Variants in MINDY4 observed in about 807,000 individuals in gnomAD.
MINDY4 encodes MINDY lysine 48 deubiquitinase 4, also known as probable ubiquitin carboxyl-terminal hydrolase MINDY-4.
MINDY4 carries 68 observed loss-of-function variants against 87.0 expected under a neutral mutation model. That is an observed-to-expected ratio of 0.78 (90% confidence interval 0.64 to 0.96). The LOEUF is 0.96. Ranked by LOEUF, MINDY4 falls within the 40% of genes least tolerant of loss-of-function variation. The pLI is 0.00. For missense variants in MINDY4, 919 were observed against 928.2 expected (o/e 0.99, Z 0.13); for synonymous variants, 379 against 363.2 (o/e 1.04, Z -0.50).
At chr7:30,843,554 C>T (rs929972966) in intron 9 of MINDY4, among the ~76,000 whole-genome samples, 6 of 141,550 alleles carry the variant, frequency 4.2e-5, no homozygotes, top group Non-Finnish European at 7.6e-5. Context: ...CAGGAAGAGC[C>T]GACTCTGCTC....
intron 5 of MINDY4, among the ~76,000 whole-genome samples, chr7:30,828,421 G>C (rs1377713281): frequency 6.6e-6 from 1 of 152,086 alleles, no homozygotes; most frequent in Non-Finnish European, 1.5e-5. Flanking sequence ...AACCTACAGA[G>C]CTGACCATCC....
In MINDY4 at chr7:30,771,561, CG is replaced by C; in HGVS notation, c.63+7del. The C allele has an allele frequency of 3.1e-6, 5 of 1,591,446 alleles. No individual in the cohort carries two copies. Among genetic ancestry groups the C allele is most frequent in the Non-Finnish European group, 4.3e-6 (5 of 1,170,102 alleles). ...AGGGAGTTCCTCAGCAGAAAGGTAA[CG>C]GCTCGCCCCCTCCAAAGCCCAGGAA... is the stretch of plus-strand genomic sequence containing the variant. On this transcript the variant is annotated splice_donor_region_variant and intron_variant, in intron 1 of 17. Transcript: ENST00000265299.
intron 1 of MINDY4, among the ~76,000 whole-genome samples, chr7:30,776,597 A>G (rs1786824571): frequency 1.3e-5 from 2 of 152,206 alleles, no homozygotes; most frequent in African/African-American, 4.8e-5. Context: ...GCCTCTAGCA[A>G]CTGGACTTAC....
In MINDY4 at chr7:30,791,474, A is replaced by T. The variant is rs749146324; in HGVS notation, c.973A>T (p.Met325Leu). ...GGACGGCAGCACAGACACGGACAGGATGCCCTTGAAGCTCTACTTGCCTGG... is the reference window on the plus strand; with the variant it reads ...GGACGGCAGCACAGACACGGACAGGTTGCCCTTGAAGCTCTACTTGCCTGG... ...AVDGSTDTDR[M>L]PLKLYLPGGN... Residue 325 changes from methionine to leucine, a missense_variant, in exon 5 of 18, where the codon ATG becomes TTG. Physicochemically the swap from Met to Leu is conservative, Grantham distance 15. Coordinates refer to ENST00000265299, the MANE Select transcript of MINDY4 (RefSeq NM_032222.3). The T allele has an allele frequency of 1.2e-6, 2 of 1,614,048 alleles. No individual in the cohort carries two copies. The highest frequency in any genetic ancestry group is 2.2e-5 in the South Asian group (2 of 91,078).
chr7:30,888,440 G>A (rs761688599), intron 17 of MINDY4, among the ~76,000 whole-genome samples: 2 of 152,162 alleles, frequency 1.3e-5, no homozygotes, highest in Non-Finnish European at 2.9e-5. Flanking sequence ...TGAGAGACCC[G>A]GCTATAAACT....
Position 30,783,575 on chromosome 7 carries a change from C to T in MINDY4, c.419+1363C>T, listed in dbSNP as rs186994174. Among the ~76,000 whole-genome samples, 139 of 152,250 alleles carry T rather than the reference C, an allele frequency of 9.1e-4. 1 individual carries two copies. The highest frequency in any genetic ancestry group is 1.5e-3 in the Non-Finnish European group (103 of 68,030). On this transcript the variant is annotated intron_variant, in intron 3 of 17. Coordinates refer to ENST00000265299, the MANE Select transcript of MINDY4 (RefSeq NM_032222.3). ...CATGCAAAAATTTAAAAAATTACAACCTCTGGCATAAATGAATTAATAGAT... is the reference window on the plus strand; with the variant it reads ...CATGCAAAAATTTAAAAAATTACAATCTCTGGCATAAATGAATTAATAGAT...
chr7:30,830,259 C>G (rs891923835), intron 6 of MINDY4, among the ~76,000 whole-genome samples: 15 of 152,104 alleles, frequency 9.9e-5, no homozygotes, highest in Admixed American at 2.0e-4. Context: ...GGTGGCCTTG[C>G]CTTTTTGGAG....
intron 13 of MINDY4, among the ~76,000 whole-genome samples, chr7:30,862,463 C>T (rs566037206): frequency 2.0e-5 from 3 of 152,370 alleles, no homozygotes; most frequent in South Asian, 2.1e-4. Flanking sequence ...ACTCCAGCGG[C>T]GCTCCCTGCA....
chr7:30,842,863 A>G (rs1584303229), intron 9 of MINDY4, among the ~76,000 whole-genome samples: 1 of 152,286 alleles, frequency 6.6e-6, no homozygotes, highest in Admixed American at 6.5e-5. Flanking sequence ...CTGAGCCCTC[A>G]GGCTCTGTGC....
At chr7:30,854,016 G>C (rs1414442417) in intron 12 of MINDY4, among the ~76,000 whole-genome samples, 5 of 152,194 alleles carry the variant, frequency 3.3e-5, no homozygotes, top group Non-Finnish European at 7.4e-5. Flanking sequence ...ATCCACTCCT[G>C]GCCATGAGCT....
chr7:30,838,276 A>C lies in MINDY4; in HGVS notation c.1240-924A>C, dbSNP rs375637605. Among the ~76,000 whole-genome samples the C allele has an allele frequency of 4.6e-5, 7 of 152,296 alleles. No individual in the cohort carries two copies. The East Asian group carries it at 7.7e-4, about 17-fold the overall frequency. ...GGAAATGAACAGTGAACTCATTATC[A>C]GCCAGAAGTCTGGAGAAGACAGCCG... On this transcript the variant is annotated intron_variant, in intron 7 of 17. Coordinates refer to ENST00000265299, the MANE Select transcript of MINDY4 (RefSeq NM_032222.3).
intron 13 of MINDY4, among the ~76,000 whole-genome samples, chr7:30,867,545 A>T (rs1003782140): frequency 6.6e-6 from 1 of 152,188 alleles, no homozygotes; most frequent in Non-Finnish European, 1.5e-5. Flanking sequence ...GAAATAACTG[A>T]TAAGTGGCAG....
In MINDY4 at chr7:30,836,747, G is replaced by A; in HGVS notation, c.1222G>A (p.Asp408Asn). 1 of 1,613,958 alleles carries A rather than the reference G, an allele frequency of 6.2e-7. No homozygotes were observed. Among genetic ancestry groups the A allele is most frequent in the Non-Finnish European group, 8.5e-7 (1 of 1,179,842 alleles). ...LKLQTASKPI[D>N]LSVAKEIKTL... Reference sequence around the variant, plus strand: ...GTTGCAGACAGCATCAAAACCAATTGACCTCTCAGTAGCAAAGGTAAGTGT... The same window carrying A: ...GTTGCAGACAGCATCAAAACCAATTAACCTCTCAGTAGCAAAGGTAAGTGT... Residue 408 changes from aspartate to asparagine, a missense_variant, in exon 7 of 18, where the codon GAC becomes AAC. Transcript: ENST00000265299.
intron 5 of MINDY4, among the ~76,000 whole-genome samples, chr7:30,828,041 A>T (rs1281198418): frequency 6.6e-6 from 1 of 152,200 alleles, no homozygotes; most frequent in Admixed American, 6.5e-5. Context: ...AGGGAGCTTT[A>T]GAAAATGCTC....
At chr7:30,866,292 C>T (rs1236281212) in intron 13 of MINDY4, among the ~76,000 whole-genome samples, 2 of 152,176 alleles carry the variant, frequency 1.3e-5, no homozygotes, top group Non-Finnish European at 2.9e-5. Flanking sequence ...GAGGACAGGC[C>T]TCAGAAGGAG....
At chr7:30,835,769 C>T (rs1462449748) in intron 6 of MINDY4, among the ~76,000 whole-genome samples, 1 of 152,264 alleles carries the variant, frequency 6.6e-6, no homozygotes, top group East Asian at 1.9e-4. Context: ...GTTCACTCTG[C>T]TCAGCCTTGC....
intron 15 of MINDY4, among the ~76,000 whole-genome samples, chr7:30,876,231 A>C (rs1030082230): frequency 7.3e-5 from 11 of 151,274 alleles, no homozygotes; most frequent in African/African-American, 2.7e-4. Context: ...TAGATGTATC[A>C]CTCCAGTCTC....
chr7:30,864,298 C>T (rs1376133726), intron 13 of MINDY4, among the ~76,000 whole-genome samples: 5 of 152,206 alleles, frequency 3.3e-5, no homozygotes, highest in African/African-American at 4.8e-5. Flanking sequence ...AAAGCAATGG[C>T]AGCAACAAAA....
chr7:30,812,274 G>GT (rs1562539101), intron 5 of MINDY4, among the ~76,000 whole-genome samples: 1 of 89,672 alleles, frequency 1.1e-5, no homozygotes, highest in South Asian at 4.9e-4. Flanking sequence ...TGTGTTGAGG[G>GT]GGGGGGGGTA....
Sources: allele counts gnomAD v4.1 joint callset (sites outside exome capture counted in the v4.1 genomes callset), GRCh38; gene constraint gnomAD v4.1.1; transcripts MANE v1.5; gene names NCBI Gene and HGNC (gene_info 2026-07-23, HGNC 2026-07-21).